ANXA4: variants seen among roughly 807,000 people sequenced by gnomAD.
ANXA4 encodes the protein 35-beta calcimedin.
In ANXA4, 39 loss-of-function variants were observed where a neutral mutation model predicts 49.8. That is an observed-to-expected ratio of 0.78 (90% CI 0.61 to 1.02). ANXA4 has a LOEUF of 1.02. Among genes scored for constraint, ANXA4 ranks in the 50% least tolerant of loss-of-function variants. ANXA4 has a pLI of 0.00. For missense variants in ANXA4, 360 were observed against 410.1 expected (o/e 0.88, Z 1.05); for synonymous variants, 134 against 152.5 (o/e 0.88, Z 0.89).
At chr2:69,665,929 G>T (rs914555758) in intron 2 of ANXA4, among the ~76,000 whole-genome samples, 1 of 152,202 alleles carries the variant, frequency 6.6e-6, no homozygotes, top group African/African-American at 2.4e-5. Context: ...CAAGGGCCAG[G>T]CATGGTGGCT....
At chr2:69,742,893 C>CT (rs1170526079) in intron 1 of ANXA4, among the ~76,000 whole-genome samples, 1 of 152,228 alleles carries the variant, frequency 6.6e-6, no homozygotes, top group African/African-American at 2.4e-5. Context: ...CATCTGCTCT[C>CT]TCCTGCTGAC....
At chr2:69,769,247 C>G (rs1239905675) in intron 1 of ANXA4, among the ~76,000 whole-genome samples, 1 of 146,234 alleles carries the variant, frequency 6.8e-6, no homozygotes, top group Non-Finnish European at 1.5e-5. Flanking sequence ...CATGTGGGAC[C>G]CAGTCAGCTT....
chr2:69,719,425 A>C (rs1162588052), intron 2 of ANXA4, among the ~76,000 whole-genome samples: 1 of 151,272 alleles, frequency 6.6e-6, no homozygotes, highest in Non-Finnish European at 1.5e-5. Context: ...ACAACATCCA[A>C]GTAATTTTTA....
At chr2:69,760,990 C>T (rs960899095) in intron 1 of ANXA4, among the ~76,000 whole-genome samples, 5 of 143,206 alleles carry the variant, frequency 3.5e-5, no homozygotes, top group African/African-American at 1.3e-4. Context: ...AGTGACACCT[C>T]GTCTCTATTA....
At chr2:69,765,619 A>G (rs567140067) in intron 1 of ANXA4, among the ~76,000 whole-genome samples, 5 of 152,250 alleles carry the variant, frequency 3.3e-5, no homozygotes, top group African/African-American at 1.2e-4. Context: ...TTCTAGCACT[A>G]TATATTAGCT....
intron 2 of ANXA4, among the ~76,000 whole-genome samples, chr2:69,688,211 T>C (rs1025994265): frequency 9.2e-5 from 14 of 152,252 alleles, no homozygotes; most frequent in African/African-American, 3.1e-4. Flanking sequence ...TCTGAATTTT[T>C]AAAAATTGCA....
intron 1 of ANXA4, among the ~76,000 whole-genome samples, chr2:69,779,785 T>C (rs1672121207): frequency 6.6e-6 from 1 of 152,216 alleles, no homozygotes; most frequent in African/African-American, 2.4e-5. Flanking sequence ...TTTCCAACCT[T>C]GTTTCTGAGC....
intron 2 of ANXA4, among the ~76,000 whole-genome samples, chr2:69,669,062 G>A (rs180830532): frequency 2.6e-3 from 393 of 151,132 alleles, no homozygotes; most frequent in African/African-American, 9.2e-3. Context: ...TCAGCCTCCC[G>A]AGTAGCTGGG....
chr2:69,788,951 A>G (rs1672550653), intron 3 of ANXA4, among the ~76,000 whole-genome samples: 1 of 152,168 alleles, frequency 6.6e-6, no homozygotes, highest in Non-Finnish European at 1.5e-5. Context: ...AAGTTGGGAC[A>G]AACTGGATGG....
At chr2:69,690,939 T>A (rs1677944045) in intron 2 of ANXA4, among the ~76,000 whole-genome samples, 1 of 152,196 alleles carries the variant, frequency 6.6e-6, no homozygotes, top group African/African-American at 2.4e-5. Flanking sequence ...AGAAACATCC[T>A]GAAATAACCA....
intron 1 of ANXA4, among the ~76,000 whole-genome samples, chr2:69,759,464 C>T (rs532714763): frequency 1.3e-5 from 2 of 152,270 alleles, no homozygotes; most frequent in South Asian, 4.1e-4. Flanking sequence ...TTGCTAAAGG[C>T]TTTCCAGTCT....
At chr2:69,698,456 T>TC (rs967441872) in intron 2 of ANXA4, among the ~76,000 whole-genome samples, 6 of 152,146 alleles carry the variant, frequency 3.9e-5, no homozygotes, top group African/African-American at 1.4e-4. Context: ...CCCTGTTGTT[T>TC]CTCCACAGGG....
rs116614314 is a variant in ANXA4 at position 69,822,844 on chromosome 2, A to C, written c.906+2023A>C. The stretch of plus-strand genomic sequence containing the variant: ...GAAAGGGTTTTAGAAATAGACAGTG[A>C]TGATGGTTACATAACATTGTAAAAG... On this transcript the variant is annotated intron_variant, in intron 12 of 12. Transcript: ENST00000394295. 4.9e-3 allele frequency among the ~76,000 whole-genome samples: 740 copies of C among 152,230 alleles called. 9 individuals are homozygous for C. Among genetic ancestry groups the C allele is most frequent in the African/African-American group, 0.017 (712 of 41,538 alleles).
intron 1 of ANXA4, among the ~76,000 whole-genome samples, chr2:69,645,144 C>G (rs1381363779): frequency 6.6e-6 from 1 of 152,068 alleles, no homozygotes; most frequent in Non-Finnish European, 1.5e-5. Context: ...AAAAATGGTT[C>G]TTGCTTTCTC....
chr2:69,709,588 C>T (rs1229290130), intron 2 of ANXA4, among the ~76,000 whole-genome samples: 1 of 152,218 alleles, frequency 6.6e-6, no homozygotes, highest in Non-Finnish European at 1.5e-5. Flanking sequence ...AACTTTTGCA[C>T]ATTTTAGAGT....
chr2:69,722,651 A>G (rs898111399), intron 3 of ANXA4, among the ~76,000 whole-genome samples: 5 of 152,168 alleles, frequency 3.3e-5, no homozygotes, highest in African/African-American at 1.2e-4. Context: ...TAATGGATAC[A>G]GACTTTCTGT....
intron 8 of ANXA4, chr2:69,814,960 G>A (rs1032587524): frequency 7.2e-5 from 11 of 152,504 alleles, no homozygotes; most frequent in African/African-American, 2.4e-4. Flanking sequence ...AACCCATGAA[G>A]AGCTGATGTT....
intron 6 of ANXA4, chr2:69,810,016 C>T (rs530937808): frequency 6.5e-6 from 1 of 153,348 alleles, no homozygotes; most frequent in Non-Finnish European, 1.5e-5. Context: ...GCAGGAAGCA[C>T]AGAGGGAGGA....
At chr2:69,740,331 C>T (rs1670351806), upstream of ANXA4, among the ~76,000 whole-genome samples, 1 of 152,090 alleles carries the variant, frequency 6.6e-6, no homozygotes, top group Non-Finnish European at 1.5e-5. Flanking sequence ...AGCCACCTCA[C>T]CTGGCCTAAT....
Sources: allele counts gnomAD v4.1 joint callset (sites outside exome capture counted in the v4.1 genomes callset), GRCh38; gene constraint gnomAD v4.1.1; transcripts MANE v1.5; gene names NCBI Gene and HGNC (gene_info 2026-07-23, HGNC 2026-07-21).